Variants in BANK1 observed in about 807,000 individuals in gnomAD.
BANK1 encodes B cell scaffold protein with ankyrin repeats 1.
BANK1 carries 95 observed loss-of-function variants against 94.5 expected under a neutral mutation model. The observed-to-expected ratio is 1.00, with a 90% CI of 0.85 to 1.19. BANK1 has a LOEUF of 1.19. Among genes scored for constraint, BANK1 ranks in the 50% most tolerant of loss-of-function variants. The pLI, the probability that BANK1 is intolerant of heterozygous loss-of-function variation, is 0.00. For synonymous variants in BANK1, 334 were observed against 308.4 expected (o/e 1.08, Z -0.87); for missense variants, 987 against 932.2 (o/e 1.06, Z -0.77).
At chr4:101,874,452 G>A (rs1245666961) in intron 5 of BANK1, among the ~76,000 whole-genome samples, 4 of 151,952 alleles carry the variant, frequency 2.6e-5, no homozygotes, top group Admixed American at 2.0e-4. Context: ...AATGCTTTTA[G>A]GTCCCTATCT....
rs1728757470 is a variant in BANK1 at position 102,071,429 on chromosome 4, A to C, written c.2242+125A>C. 7.4e-6 allele frequency: 7 copies of C among 944,852 alleles called. 1 individual carries two copies. The East Asian group carries it at 1.7e-4, about 23-fold the overall frequency. 58.5% of individuals were successfully genotyped at this position (944,852 alleles called of 1,614,324 possible). On this transcript the variant is annotated intron_variant, in intron 14 of 16. Coordinates refer to ENST00000322953, the MANE Select transcript of BANK1 (RefSeq NM_017935.5). The stretch of plus-strand genomic sequence containing the variant: ...GTGTAAACATTCACATAGATTTTAT[A>C]TTTATATGCAAAACAACTTGACATC...
At chr4:101,806,494 A>G (rs1195538649) in intron 1 of BANK1, among the ~76,000 whole-genome samples, 1 of 152,234 alleles carries the variant, frequency 6.6e-6, no homozygotes, top group African/African-American at 2.4e-5. Context: ...TTGAAGTTGA[A>G]TAAGTACAGG....
At chr4:101,813,243 A>G (rs1456686825) in intron 1 of BANK1, among the ~76,000 whole-genome samples, 2 of 152,188 alleles carry the variant, frequency 1.3e-5, no homozygotes, top group Non-Finnish European at 2.9e-5. Flanking sequence ...GAATTAAGGT[A>G]GATTTTGGGC....
intron 5 of BANK1, among the ~76,000 whole-genome samples, chr4:101,874,046 C>A (rs573789467): frequency 3.3e-5 from 5 of 152,094 alleles, no homozygotes; most frequent in Admixed American, 2.0e-4. Flanking sequence ...CCAAATAATT[C>A]TTCTTAGTTA....
At chr4:101,793,069 T>G (rs1257567277) in intron 1 of BANK1, among the ~76,000 whole-genome samples, 1 of 152,086 alleles carries the variant, frequency 6.6e-6, no homozygotes, top group Non-Finnish European at 1.5e-5. Context: ...CACACCATAG[T>G]TTTTTTTAAA....
At chr4:101,880,244 C>A (rs981846236) in intron 5 of BANK1, among the ~76,000 whole-genome samples, 7 of 151,918 alleles carry the variant, frequency 4.6e-5, no homozygotes, top group Non-Finnish European at 7.4e-5. Flanking sequence ...AGTAAAGTTG[C>A]AGGATATAAA....
intron 7 of BANK1, among the ~76,000 whole-genome samples, chr4:102,004,229 T>C (rs1401648416): frequency 3.9e-5 from 6 of 152,174 alleles, no homozygotes; most frequent in Admixed American, 3.9e-4. Flanking sequence ...GCCCAATTTA[T>C]TTGTTGAATG....
chr4:102,034,506 A>C (rs566127480), intron 10 of BANK1, among the ~76,000 whole-genome samples: 1 of 152,342 alleles, frequency 6.6e-6, no homozygotes, highest in Non-Finnish European at 1.5e-5. Flanking sequence ...TCAATGCATT[A>C]TAATTAAAAC....
intron 2 of BANK1, among the ~76,000 whole-genome samples, chr4:101,840,888 G>C (rs1030382087): frequency 2.6e-5 from 4 of 152,120 alleles, no homozygotes; most frequent in Non-Finnish European, 5.9e-5. Context: ...AGAATGCAGT[G>C]GTGCGATCTC....
At chr4:101,977,604 A>G (rs1247705694) in intron 7 of BANK1, among the ~76,000 whole-genome samples, 2 of 152,136 alleles carry the variant, frequency 1.3e-5, no homozygotes, top group African/African-American at 4.8e-5. Context: ...TAAGAATACA[A>G]TTATTTCCAG....
chr4:101,897,061 G>C (rs1722108007), intron 6 of BANK1, among the ~76,000 whole-genome samples: 1 of 151,886 alleles, frequency 6.6e-6, no homozygotes, highest in South Asian at 2.1e-4. Context: ...TCTTAATTAG[G>C]AACTTTTGTT....
At chr4:101,811,461 G>C (rs868240717) in intron 1 of BANK1, among the ~76,000 whole-genome samples, 1 of 151,782 alleles carries the variant, frequency 6.6e-6, no homozygotes, top group African/African-American at 2.4e-5. Flanking sequence ...GAATATTTGA[G>C]GAATAAAAAA....
intron 2 of BANK1, among the ~76,000 whole-genome samples, chr4:101,833,350 G>A (rs34749007): frequency 0.27 from 41,156 of 152,014 alleles, 5,742 homozygotes; most frequent in Non-Finnish European, 0.3. Context: ...GACAGAGTGG[G>A]TTTTGTTGTT....
At chr4:101,886,764 G>GA (rs923637447) in intron 5 of BANK1, among the ~76,000 whole-genome samples, 13 of 134,280 alleles carry the variant, frequency 9.7e-5, no homozygotes, top group Admixed American at 9.5e-4. Flanking sequence ...AATATATTGG[G>GA]GGGGGGGGCA....
chr4:101,816,213 A>G (rs1431106048), intron 1 of BANK1, among the ~76,000 whole-genome samples: 2 of 152,246 alleles, frequency 1.3e-5, no homozygotes, highest in African/African-American at 4.8e-5. Context: ...AGGAAAACTG[A>G]GAAACATGAG....
At chr4:101,878,483 A>T (rs1465288670) in intron 5 of BANK1, among the ~76,000 whole-genome samples, 1 of 152,228 alleles carries the variant, frequency 6.6e-6, no homozygotes, top group African/African-American at 2.4e-5. Context: ...CTAAGGAGAG[A>T]AATAGTCCTC....
intron 7 of BANK1, among the ~76,000 whole-genome samples, chr4:101,959,002 C>G (rs1045188719): frequency 1.3e-5 from 2 of 152,236 alleles, no homozygotes; most frequent in East Asian, 3.9e-4. Context: ...ATCAGCTCTC[C>G]CATATGGATT....
intron 5 of BANK1, among the ~76,000 whole-genome samples, chr4:101,890,534 CCTG>C (rs1440524791): frequency 1.3e-5 from 2 of 149,106 alleles, no homozygotes; most frequent in South Asian, 2.1e-4. Context: ...TCTACTTAAA[CCTG>C]CTAATTTTAC....
At chr4:101,916,584 G>A (rs1388284117) in intron 6 of BANK1, among the ~76,000 whole-genome samples, 1 of 151,996 alleles carries the variant, frequency 6.6e-6, no homozygotes, top group Non-Finnish European at 1.5e-5. Flanking sequence ...GACTGCCTCA[G>A]AAAGTTTAGG....
Sources: allele counts gnomAD v4.1 joint callset (sites outside exome capture counted in the v4.1 genomes callset), GRCh38; gene constraint gnomAD v4.1.1; transcripts MANE v1.5; gene names NCBI Gene and HGNC (gene_info 2026-07-23, HGNC 2026-07-21).